The following PPP1R21 variants were observed in gnomAD, a reference collection of about 807,000 sequenced individuals.
PPP1R21 encodes protein phosphatase 1 regulatory subunit 21.
PPP1R21 carries 85 observed loss-of-function variants against 112.8 expected under a neutral mutation model. That is an observed-to-expected ratio of 0.75 (90% CI 0.63 to 0.90). The LOEUF is 0.90. PPP1R21 is among the 40% of genes least tolerant of loss of function. The probability of loss-of-function intolerance (pLI) is 0.00; values close to 1 mark genes in which losing one functional copy is unlikely to be tolerated. For synonymous variants in PPP1R21, 381 were observed against 322.3 expected (o/e 1.18, Z -1.95); for missense variants, 1,199 against 901.5 (o/e 1.33, Z -4.23).
intron 18 of PPP1R21, 49 bp downstream of exon 18, chr2:48,505,645 A>C: frequency 2.1e-6 from 3 of 1,448,258 alleles, no homozygotes; most frequent in Non-Finnish European, 2.9e-6. Context: ...ATCTGGCAGC[A>C]TGTTTGTTGA....
rs1473998043 is a variant in PPP1R21, at chr2:48,458,128, A to G, written c.276A>G (p.Lys92=). ...LSEPRGKKNK[K]SGESSSQLSQ... is the part of the protein sequence containing the mutation. The stretch of plus-strand genomic sequence containing the variant: ...ACATAACTTATTCTTTCCATCAGAA[A>G]AGTGGAGAATCTTCTTCTCAGTTGA... The change falls in exon 4 of 22, where the codon AAA becomes AAG. Residue 92 remains lysine (K), a splice_region_variant and synonymous_variant. Coordinates refer to ENST00000294952, the MANE Select transcript of PPP1R21 (RefSeq NM_001135629.3). The G allele has an allele frequency of 6.2e-7, 1 of 1,604,822 alleles. No individual in the cohort carries two copies. Among genetic ancestry groups the G allele is most frequent in the Admixed American group, 1.7e-5 (1 of 59,912 alleles).
chr2:48,449,161 A>G (rs1346804452), intron 1 of PPP1R21, among the ~76,000 whole-genome samples: 2 of 152,164 alleles, frequency 1.3e-5, no homozygotes, highest in African/African-American at 2.4e-5. Context: ...AAGGTGTACA[A>G]TGCCTTACAC....
intron 16 of PPP1R21, among the ~76,000 whole-genome samples, chr2:48,496,981 G>C (rs1669875017): frequency 6.6e-6 from 1 of 152,200 alleles, no homozygotes; most frequent in South Asian, 2.1e-4. Flanking sequence ...CTGTATCCTT[G>C]GTAATAAACC....
At chr2:48,510,721 G>A (rs78545674) in intron 20 of PPP1R21, among the ~76,000 whole-genome samples, 11,395 of 152,214 alleles carry the variant, frequency 0.075, 606 homozygotes, top group Non-Finnish European at 0.11. Context: ...TTTCAGGGAC[G>A]GTGCTGCCGG....
chr2:48,507,335 A>C lies in PPP1R21; in HGVS notation c.2035A>C (p.Thr679Pro). 1 of 1,595,782 alleles carries C rather than the reference A, an allele frequency of 6.3e-7. No individual in the cohort carries two copies. The highest frequency in any genetic ancestry group is 8.5e-7 in the Non-Finnish European group (1 of 1,174,236). ...CTACATGGCAAGGATAGTGGAACTT[A>C]CGTCTCAGTTGCAGCTGGCTGACAG... ...NHYMARIVEL[T>P]SQLQLADSKS... Residue 679 changes from threonine to proline, a missense_variant, in exon 19 of 22, where the codon ACG (threonine) becomes CCG (proline). By Grantham distance (38) the Thr-to-Pro change is conservative. Coordinates refer to ENST00000294952, the MANE Select transcript of PPP1R21 (RefSeq NM_001135629.3).
At chr2:48,453,170 T>C (rs1466118826) in intron 2 of PPP1R21, among the ~76,000 whole-genome samples, 1 of 152,122 alleles carries the variant, frequency 6.6e-6, no homozygotes. Context: ...GCCAGGCCAG[T>C]TTCAAACTCC....
intron 12 of PPP1R21, chr2:48,479,414 A>G (rs1030024082): frequency 2.2e-6 from 1 of 457,446 alleles, no homozygotes; most frequent in South Asian, 1.6e-5. Flanking sequence ...TGAGTAAATC[A>G]TGTGCTGTGT....
Position 48,498,733 on chromosome 2 carries a change from C to T in PPP1R21, c.1933C>T (p.Leu645=), listed in dbSNP as rs1320939810. The part of the protein sequence containing the change: ...AVLEPIQSTS[L]IGTLTRTSDS... ...GTTGGAGCCCATTCAGAGCACCAGTCTAGTAAGTGTCTTCTTGGTTGTCCT... is the reference window on the plus strand; with the variant it reads ...GTTGGAGCCCATTCAGAGCACCAGTTTAGTAAGTGTCTTCTTGGTTGTCCT... The change falls in exon 17 of 22, where the codon CTA becomes TTA. Residue 645 remains leucine (L), a splice_region_variant and synonymous_variant. Transcript: ENST00000294952. The T allele has an allele frequency of 5.0e-6, 8 of 1,613,620 alleles. No individual in the cohort carries two copies. The African/African-American group carries it at 9.3e-5, about 19-fold the overall frequency.
At chr2:48,461,267 C>G (rs756353788) in intron 7 of PPP1R21, 35 bp downstream of exon 7, 1 of 1,491,862 alleles carries the variant, frequency 6.7e-7, no homozygotes, top group African/African-American at 1.5e-5. Context: ...TTATTTGTAA[C>G]TTTGAATCTC....
At chr2:48,471,233 T>C (rs771381447) in intron 10 of PPP1R21, 45 bp downstream of exon 10, 20 of 1,608,660 alleles carry the variant, frequency 1.2e-5, no homozygotes, top group Non-Finnish European at 1.6e-5. Flanking sequence ...GGAGCTCCTC[T>C]TTGTCCAGTA....
rs375375889 is a variant in PPP1R21, at chr2:48,507,800, A to G, written c.2085+415A>G. On this transcript the variant is annotated intron_variant, in intron 19 of 21. Coordinates refer to ENST00000294952, the MANE Select transcript of PPP1R21 (RefSeq NM_001135629.3). ...TTTTTTTTTGAGGTGGAGTCTTGCT[A>G]TGTTGCTCAGGCTACAGTGCAGTGG... 3.1e-4 allele frequency among the ~76,000 whole-genome samples: 24 copies of G among 77,066 alleles called. No homozygotes were observed. In the East Asian group the frequency reaches 6.5e-3, roughly 21 times the overall value. The allele number at this position is 77,066 out of a possible 152,430, so 50.6% of individuals were successfully genotyped here.
At chr2:48,494,309 A>ACCTAC (rs1490118719) in intron 15 of PPP1R21, among the ~76,000 whole-genome samples, 1 of 149,106 alleles carries the variant, frequency 6.7e-6, no homozygotes, top group Non-Finnish European at 1.5e-5. Flanking sequence ...AATGTGCCTA[A>ACCTAC]CCTACCAACC....
At chr2:48,497,941 G>A (rs997309614) in intron 16 of PPP1R21, among the ~76,000 whole-genome samples, 13 of 152,048 alleles carry the variant, frequency 8.5e-5, no homozygotes, top group African/African-American at 1.9e-4. Flanking sequence ...ATGAGCCACC[G>A]TGCCTGGCCT....
At chr2:48,444,410 G>T (rs1572821561) in intron 1 of PPP1R21, among the ~76,000 whole-genome samples, 2 of 152,208 alleles carry the variant, frequency 1.3e-5, no homozygotes, top group African/African-American at 4.8e-5. Flanking sequence ...AAGGATGAAA[G>T]ACCATTTCTG....
chr2:48,500,100 C>A (rs919339028), intron 17 of PPP1R21, among the ~76,000 whole-genome samples: 1 of 152,104 alleles, frequency 6.6e-6, no homozygotes, highest in Non-Finnish European at 1.5e-5. Context: ...TCAGAGCATA[C>A]CTGCTAGTTA....
chr2:48,511,732 A>C (rs1370390705), intron 21 of PPP1R21, among the ~76,000 whole-genome samples: 1 of 151,472 alleles, frequency 6.6e-6, no homozygotes, highest in Non-Finnish European at 1.5e-5. Flanking sequence ...TAAGCCAAGC[A>C]TGAGGGCCTG....
At position 48,484,205 on chromosome 2, in the gene PPP1R21, G is replaced by T. The variant is rs539935319; in HGVS notation, c.1319-2426G>T. 3.2e-3 allele frequency among the ~76,000 whole-genome samples: 482 copies of T among 152,258 alleles called. 2 individuals are homozygous for T. Among genetic ancestry groups the T allele is most frequent in the Middle Eastern group, 6.8e-3 (2 of 294 alleles). On this transcript the variant is annotated intron_variant, in intron 13 of 21. Transcript: ENST00000294952. ...GCCACCCAAGACCATGCTTGTGTCTGTAAGTTCCTCCTAATAAATCATCCT... is the reference window on the plus strand; with the variant it reads ...GCCACCCAAGACCATGCTTGTGTCTTTAAGTTCCTCCTAATAAATCATCCT...
intron 14 of PPP1R21, among the ~76,000 whole-genome samples, chr2:48,489,919 A>G (rs1178247963): frequency 1.3e-5 from 2 of 152,162 alleles, no homozygotes; most frequent in Admixed American, 6.5e-5. Flanking sequence ...GTGGTGCACA[A>G]CTGTAATCCC....
At chr2:48,488,288 G>A (rs1669400842) in intron 14 of PPP1R21, among the ~76,000 whole-genome samples, 1 of 152,034 alleles carries the variant, frequency 6.6e-6, no homozygotes, top group African/African-American at 2.4e-5. Flanking sequence ...TGCTTTTGGA[G>A]GATAATCCTA....
Sources: gnomAD v4.1 joint callset for allele counts (sites outside exome capture counted in the v4.1 genomes callset) on GRCh38, gnomAD v4.1.1 for gene constraint, MANE v1.5 for transcripts, NCBI Gene and HGNC (gene_info 2026-07-23, HGNC 2026-07-21) for gene names.